The following MACROD2 variants were observed in gnomAD, a reference collection of about 807,000 sequenced individuals.
MACROD2 encodes ADP-ribose glycohydrolase MACROD2.
A neutral mutation model predicts 70.4 loss-of-function variants in MACROD2; 36 were observed. The ratio of observed to expected loss-of-function variants is 0.51; its 90% confidence interval spans 0.39 to 0.68. The LOEUF (loss-of-function observed/expected upper bound fraction) is 0.68. Among genes scored for constraint, MACROD2 ranks in the 30% least tolerant of loss-of-function variants. MACROD2 has a pLI of 0.00. For synonymous variants in MACROD2, 172 were observed against 178.8 expected (o/e 0.96, Z 0.30); for missense variants, 496 against 538.4 (o/e 0.92, Z 0.78).
At chr20:15,350,650 ATAT>A (rs1222209692) in intron 6 of MACROD2, among the ~76,000 whole-genome samples, 1 of 152,208 alleles carries the variant, frequency 6.6e-6, no homozygotes, top group Non-Finnish European at 1.5e-5. Flanking sequence ...ATTTAATTGT[ATAT>A]TATTCCAGAA....
chr20:16,001,871 C>A (rs1053427565), intron 15 of MACROD2, among the ~76,000 whole-genome samples: 1 of 151,872 alleles, frequency 6.6e-6, no homozygotes, highest in South Asian at 2.1e-4. Flanking sequence ...GAGTACTTTT[C>A]AAAATTAATA....
At chr20:14,075,143 GT>G (rs1210788528) in intron 2 of MACROD2, among the ~76,000 whole-genome samples, 1 of 152,088 alleles carries the variant, frequency 6.6e-6, no homozygotes, top group African/African-American at 2.4e-5. Context: ...CTTCTTTTAA[GT>G]AAAAAGGTGA....
chr20:14,022,489 G>T (rs1331024486), intron 2 of MACROD2, among the ~76,000 whole-genome samples: 2 of 148,522 alleles, frequency 1.3e-5, no homozygotes, highest in African/African-American at 5.0e-5. Flanking sequence ...TACGTGTGCA[G>T]AACATGCAGT....
At chr20:15,737,800 A>T (rs2051044788) in intron 8 of MACROD2, among the ~76,000 whole-genome samples, 1 of 152,196 alleles carries the variant, frequency 6.6e-6, no homozygotes, top group South Asian at 2.1e-4. Context: ...GGGGCTCAAA[A>T]CTGAACCTTG....
At chr20:14,357,815 A>G (rs2083187145) in intron 3 of MACROD2, among the ~76,000 whole-genome samples, 1 of 152,228 alleles carries the variant, frequency 6.6e-6, no homozygotes, top group African/African-American at 2.4e-5. Flanking sequence ...ACATTTGATG[A>G]TACAATTCAT....
intron 5 of MACROD2, among the ~76,000 whole-genome samples, chr20:15,114,931 G>A (rs1568581287): frequency 6.6e-6 from 1 of 152,118 alleles, no homozygotes; most frequent in Non-Finnish European, 1.5e-5. Flanking sequence ...TAAGAAGAAT[G>A]AAAAAGAGGC....
chr20:15,175,116 A>C (rs1277063237), intron 5 of MACROD2, among the ~76,000 whole-genome samples: 4 of 152,078 alleles, frequency 2.6e-5, no homozygotes, highest in Non-Finnish European at 5.9e-5. Context: ...TGATGAGTTC[A>C]TGTCCTTTGT....
At chr20:14,938,566 A>C (rs2074361196) in intron 5 of MACROD2, among the ~76,000 whole-genome samples, 1 of 152,122 alleles carries the variant, frequency 6.6e-6, no homozygotes, top group Admixed American at 6.5e-5. Context: ...CAATCACTTG[A>C]GGCCAGGAGT....
chr20:14,029,639 A>G (rs2053222403), intron 2 of MACROD2, among the ~76,000 whole-genome samples: 1 of 152,218 alleles, frequency 6.6e-6, no homozygotes, highest in Non-Finnish European at 1.5e-5. Context: ...GGACTCTGAC[A>G]GTGAATTTGC....
rs1328474207 is a variant in MACROD2 at position 14,928,508 on chromosome 20, G to T, written c.418+243549G>T. ...GGTCAACTATTCTGACTTAGAGGAA[G>T]ATAAAGCAAGTAGTAGGTAAGGGAT... On this transcript the variant is annotated intron_variant, in intron 5 of 17. Coordinates refer to ENST00000684519, the MANE Select transcript of MACROD2 (RefSeq NM_001351661.2). Among the ~76,000 whole-genome samples, 3 of 152,192 alleles carry T rather than the reference G, an allele frequency of 2.0e-5. 1 individual carries two copies. The highest frequency in any genetic ancestry group is 4.4e-5 in the Non-Finnish European group (3 of 68,034).
chr20:14,655,359 T>TGTGTG, intron 4 of MACROD2, among the ~76,000 whole-genome samples: 1 of 100,366 alleles, frequency 1.0e-5, no homozygotes, highest in African/African-American at 4.8e-5. Flanking sequence ...GTGTGTGTGT[T>TGTGTG]TTGAGGGTGT....
chr20:15,183,295 G>C (rs1256745005), intron 5 of MACROD2, among the ~76,000 whole-genome samples: 1 of 152,040 alleles, frequency 6.6e-6, no homozygotes, highest in African/African-American at 2.4e-5. Context: ...AGAACTTTGG[G>C]AGGCTGACGC....
At chr20:14,685,128 A>G in intron 5 of MACROD2, 169 bp downstream of exon 5, 1 of 418,264 alleles carries the variant, frequency 2.4e-6, no homozygotes, top group Non-Finnish European at 4.3e-6. Context: ...GTCTCCAAAT[A>G]TATACATATA....
At chr20:14,734,500 C>CA (rs201066340) in intron 5 of MACROD2, among the ~76,000 whole-genome samples, 3,397 of 120,550 alleles carry the variant, frequency 0.028, 132 homozygotes, top group African/African-American at 0.095. Flanking sequence ...AACTCCATAT[C>CA]AAAAAAAACA....
At chr20:15,739,247 G>A (rs1235625463) in intron 8 of MACROD2, among the ~76,000 whole-genome samples, 3 of 152,174 alleles carry the variant, frequency 2.0e-5, no homozygotes, top group African/African-American at 7.2e-5. Context: ...ACGTTTTGAT[G>A]ATGTTGAGTC....
intron 13 of MACROD2, among the ~76,000 whole-genome samples, chr20:15,972,663 A>G (rs2066248581): frequency 6.6e-6 from 1 of 152,064 alleles, no homozygotes; most frequent in Admixed American, 6.6e-5. Context: ...TACAAAAATT[A>G]GCAAGGCACG....
intron 5 of MACROD2, among the ~76,000 whole-genome samples, chr20:14,876,655 G>A (rs1712189819): frequency 6.6e-6 from 1 of 152,096 alleles, no homozygotes; most frequent in South Asian, 2.1e-4. Flanking sequence ...GATGAAAGGT[G>A]GGAGTCTAGT....
At chr20:15,823,312 G>GTA (rs775573541) in intron 8 of MACROD2, among the ~76,000 whole-genome samples, 15,552 of 146,270 alleles carry the variant, frequency 0.11, 820 homozygotes, top group Middle Eastern at 0.26. Flanking sequence ...GTGTGTGTGT[G>GTA]TGTGTGTGTC....
intron 4 of MACROD2, 179 bp downstream of exon 4, chr20:14,493,687 A>G: frequency 1.9e-6 from 1 of 528,988 alleles, no homozygotes; most frequent in Non-Finnish European, 3.4e-6. Context: ...CTTAAATGTT[A>G]TTTTAATTGA....
Sources: allele counts gnomAD v4.1 joint callset (sites outside exome capture counted in the v4.1 genomes callset), GRCh38; gene constraint gnomAD v4.1.1; transcripts MANE v1.5; gene names NCBI Gene and HGNC (gene_info 2026-07-23, HGNC 2026-07-21).